GRIA1: variants seen among roughly 807,000 people sequenced by gnomAD.
The protein encoded by GRIA1 is glutamate ionotropic receptor AMPA type subunit 1, also known as glutamate receptor 1.
GRIA1 carries 31 observed loss-of-function variants against 99.2 expected under a neutral mutation model. The ratio of observed to expected loss-of-function variants is 0.31; its 90% CI spans 0.23 to 0.42. The LOEUF is 0.42. Ranked by LOEUF, GRIA1 falls within the 10% of genes least tolerant of loss-of-function variation. GRIA1 has a pLI of 1.00. For synonymous variants in GRIA1, 438 were observed against 432.4 expected, an observed-to-expected ratio of 1.01 and a Z score of -0.16; for missense variants, 782 against 1,157.5, an observed-to-expected ratio of 0.68 and a Z score of 4.71.
chr5:153,689,426 A>G (rs1757578770), intron 8 of GRIA1, among the ~76,000 whole-genome samples: 1 of 152,220 alleles, frequency 6.6e-6, no homozygotes. Flanking sequence ...TCTACATTGT[A>G]TATGAGTAGT....
intron 15 of GRIA1, among the ~76,000 whole-genome samples, chr5:153,807,826 T>G (rs1318152050): frequency 6.6e-6 from 1 of 152,164 alleles, no homozygotes; most frequent in African/African-American, 2.4e-5. Flanking sequence ...AGCAGCAAAG[T>G]ATTATTCACC....
intron 11 of GRIA1, among the ~76,000 whole-genome samples, chr5:153,723,997 A>G (rs897030929): frequency 6.6e-6 from 1 of 152,150 alleles, no homozygotes; most frequent in Non-Finnish European, 1.5e-5. Context: ...GGCGCCCCCC[A>G]GTAGGGGCAG....
In GRIA1 at chr5:153,811,271, GC is replaced by G; in HGVS notation, c.*50del. 1 of 1,454,604 alleles carries G rather than the reference GC, an allele frequency of 6.9e-7. No individual in the cohort carries two copies. The highest frequency in any genetic ancestry group is 9.6e-7 in the Non-Finnish European group (1 of 1,037,698). 90.1% of individuals were successfully genotyped at this position (1,454,604 alleles called of 1,614,324 possible). A position where few individuals can be genotyped will look rare whatever the true frequency, so the allele number is the denominator to read the frequency against. ...TTGGGGAGCAGGCTCGGGCTCCCCA[GC>G]CCCATCCCAAACCCTTCAGTGCCAA... On this transcript the variant is annotated 3_prime_UTR_variant, in exon 16 of 16. Transcript: ENST00000285900.
At chr5:153,566,714 G>GTATTTTT (rs1255385915) in intron 2 of GRIA1, among the ~76,000 whole-genome samples, 1 of 84,472 alleles carries the variant, frequency 1.2e-5, no homozygotes, top group East Asian at 4.4e-4. Context: ...TGCAAATATT[G>GTATTTTT]TCTTTTTTTT....
At chr5:153,707,217 C>T (rs770243076) in intron 11 of GRIA1, among the ~76,000 whole-genome samples, 13 of 152,152 alleles carry the variant, frequency 8.5e-5, no homozygotes, top group Non-Finnish European at 1.6e-4. Context: ...TTTAGCCCCC[C>T]ACATGGAATC....
At chr5:153,769,453 G>A (rs971482556) in intron 12 of GRIA1, among the ~76,000 whole-genome samples, 1 of 152,024 alleles carries the variant, frequency 6.6e-6, no homozygotes, top group Non-Finnish European at 1.5e-5. Context: ...GATTTGGTTA[G>A]ACAGAACCAG....
intron 2 of GRIA1, among the ~76,000 whole-genome samples, chr5:153,547,386 C>A (rs534628734): frequency 6.6e-6 from 1 of 152,122 alleles, no homozygotes; most frequent in South Asian, 2.1e-4. Context: ...AGTTCAATAC[C>A]CTGGACACAG....
chr5:153,530,364 C>T (rs541821413), intron 2 of GRIA1, among the ~76,000 whole-genome samples: 4 of 152,326 alleles, frequency 2.6e-5, no homozygotes, highest in Admixed American at 6.5e-5. Flanking sequence ...CTTTGCCATG[C>T]GACAGTTTGC....
Position 153,707,849 on chromosome 5 carries a change from G to T in GRIA1, c.1823+1782G>T, listed in dbSNP as rs557423534. ...GTGGGGGGCGCGTGGGAGAGGAGGT[G>T]TGAGACTGGCTGCTTGGCCAATACT... is the stretch of plus-strand genomic sequence containing the variant. On this transcript the variant is annotated intron_variant, in intron 11 of 15. Coordinates refer to ENST00000285900, the MANE Select transcript of GRIA1 (RefSeq NM_000827.4). 2.6e-5 allele frequency among the ~76,000 whole-genome samples: 4 copies of T among 152,216 alleles called. No homozygotes were observed. The East Asian group carries it at 5.8e-4, about 22-fold the overall frequency.
At chr5:153,566,746 T>TTC (rs1761671593) in intron 2 of GRIA1, among the ~76,000 whole-genome samples, 5 of 142,136 alleles carry the variant, frequency 3.5e-5, no homozygotes, top group South Asian at 2.4e-4. Flanking sequence ...GACGGAGTTT[T>TTC]GCTCTTGTCG....
intron 2 of GRIA1, among the ~76,000 whole-genome samples, chr5:153,603,210 A>G (rs924341661): frequency 5.3e-5 from 8 of 152,096 alleles, no homozygotes; most frequent in African/African-American, 1.9e-4. Flanking sequence ...ACTGAGAATG[A>G]TGATTTCCAA....
At chr5:153,699,518 C>A (rs1252569772) in intron 10 of GRIA1, among the ~76,000 whole-genome samples, 1 of 152,208 alleles carries the variant, frequency 6.6e-6, no homozygotes, top group Non-Finnish European at 1.5e-5. Context: ...CCCTTAATTA[C>A]TCTGTTCCCT....
intron 11 of GRIA1, among the ~76,000 whole-genome samples, chr5:153,747,084 A>G (rs1762207403): frequency 1.3e-5 from 2 of 152,240 alleles, no homozygotes; most frequent in African/African-American, 2.4e-5. Flanking sequence ...TTGCATCACT[A>G]TAAAGGAACA....
At chr5:153,770,738 G>A (rs1341132559) in intron 13 of GRIA1, among the ~76,000 whole-genome samples, 3 of 152,098 alleles carry the variant, frequency 2.0e-5, no homozygotes. Context: ...TCCTTTACCA[G>A]ACACCCCTGC....
chr5:153,598,849 C>T (rs1334211027), intron 2 of GRIA1, among the ~76,000 whole-genome samples: 1 of 151,888 alleles, frequency 6.6e-6, no homozygotes, highest in African/African-American at 2.4e-5. Flanking sequence ...ATAAAGCTTC[C>T]GTGGAGTGGG....
chr5:153,715,561 C>T (rs1384626749), intron 11 of GRIA1, among the ~76,000 whole-genome samples: 1 of 152,090 alleles, frequency 6.6e-6, no homozygotes, highest in African/African-American at 2.4e-5. Context: ...ATAAGACCTA[C>T]CTCAAATGAG....
chr5:153,686,188 C>T lies in GRIA1; in HGVS notation c.1030-37C>T, dbSNP rs745330867. 1.4e-5 allele frequency: 20 copies of T among 1,433,820 alleles called. No homozygotes were observed. The Admixed American group carries it at 2.8e-4, about 20-fold the overall frequency. The allele number at this position is 1,433,820 out of a possible 1,614,324, so 88.8% of individuals were successfully genotyped here. On this transcript the variant is annotated intron_variant, in intron 7 of 15. Coordinates refer to ENST00000285900, the MANE Select transcript of GRIA1 (RefSeq NM_000827.4). ...AAAAGCAAACACACATAAAGTACAT[C>T]TGAGTTCACTGCCCACCACTTGGTT...
intron 2 of GRIA1, among the ~76,000 whole-genome samples, chr5:153,591,178 A>G (rs1230903753): frequency 6.6e-6 from 1 of 152,214 alleles, no homozygotes; most frequent in African/African-American, 2.4e-5. Flanking sequence ...ACTCCTTCCC[A>G]TAATTTTTCC....
Position 153,764,151 on chromosome 5 carries a change from T to C in GRIA1, c.1824-283T>C, listed in dbSNP as rs565015983. The stretch of plus-strand genomic sequence containing the variant: ...TGACATATCTGTGTCTTTGTCATCA[T>C]GTGTCTTGCTGTTATATATGTGTAA... On this transcript the variant is annotated intron_variant, in intron 11 of 15. Transcript: ENST00000285900. Among the ~76,000 whole-genome samples, 3 of 152,368 alleles carry C rather than the reference T, an allele frequency of 2.0e-5. No homozygotes were observed. The South Asian group carries it at 6.2e-4, about 32-fold the overall frequency.
Sources: allele counts gnomAD v4.1 joint callset (sites outside exome capture counted in the v4.1 genomes callset), GRCh38; gene constraint gnomAD v4.1.1; transcripts MANE v1.5; gene names NCBI Gene and HGNC (gene_info 2026-07-23, HGNC 2026-07-21).